The following SIMC1 variants were observed in gnomAD, a reference collection of about 807,000 sequenced individuals.
SIMC1 encodes the protein SUMO-interacting motif-containing protein 1.
SIMC1 carries 55 observed loss-of-function variants against 82.3 expected under a neutral mutation model. The ratio of observed to expected loss-of-function variants is 0.67; its 90% CI spans 0.54 to 0.84. The LOEUF (loss-of-function observed/expected upper bound fraction) is 0.84, where lower values mean the gene tolerates loss of function less well. Ranked by LOEUF, SIMC1 falls within the 40% of genes least tolerant of loss-of-function variation. SIMC1 has a pLI of 0.00. For synonymous variants in SIMC1, 353 were observed against 426.3 expected (o/e 0.83, Z 2.12); for missense variants, 915 against 1,107.2 (o/e 0.83, Z 2.46).
chr5:176,343,780 G>GT (rs1276477496), intron 9 of SIMC1, among the ~76,000 whole-genome samples: 7 of 150,060 alleles, frequency 4.7e-5, no homozygotes, highest in African/African-American at 1.8e-4. Flanking sequence ...TTCTTTTTTT[G>GT]TTTTTTTGTT....
intron 7 of SIMC1, among the ~76,000 whole-genome samples, chr5:176,332,988 AT>A (rs1200884083): frequency 4.6e-5 from 7 of 151,680 alleles, no homozygotes; most frequent in Non-Finnish European, 1.0e-4. Flanking sequence ...TCCATTTTTT[AT>A]ATTTGTGTCA....
At chr5:176,286,000 G>A (rs1763260310) in intron 1 of SIMC1, among the ~76,000 whole-genome samples, 1 of 152,188 alleles carries the variant, frequency 6.6e-6, no homozygotes, top group African/African-American at 2.4e-5. Flanking sequence ...ACAAACAAAT[G>A]GAAGAACATT....
At chr5:176,335,913 C>T (rs893139580) in intron 7 of SIMC1, among the ~76,000 whole-genome samples, 1 of 151,972 alleles carries the variant, frequency 6.6e-6, no homozygotes, top group African/African-American at 2.4e-5. Flanking sequence ...GACAGTGGCA[C>T]ACTCCTGTAG....
At chr5:176,242,587 G>GA (rs1382623914) in intron 1 of SIMC1, among the ~76,000 whole-genome samples, 14 of 151,466 alleles carry the variant, frequency 9.2e-5, no homozygotes, top group African/African-American at 3.4e-4. Context: ...TATATTTATT[G>GA]AAAAAAACTC....
At chr5:176,288,423 G>GAATAAATAAATAAATAAATAAATA (rs150243423) in intron 1 of SIMC1, among the ~76,000 whole-genome samples, 39 of 126,796 alleles carry the variant, frequency 3.1e-4, no homozygotes, top group East Asian at 4.6e-4. Flanking sequence ...ATGAATGAAT[G>GAATAAATAAATAAATAAATAAATA]AATAAATAAA....
intron 4 of SIMC1, among the ~76,000 whole-genome samples, chr5:176,303,598 G>A (rs1295687713): frequency 2.0e-5 from 3 of 152,218 alleles, no homozygotes; most frequent in Admixed American, 6.5e-5. Flanking sequence ...GGGATTACAG[G>A]CGTGAGCCAC....
At position 176,308,720 on chromosome 5, in the gene SIMC1, A is replaced by G. The variant is rs575515219; in HGVS notation, c.1735-4971A>G. ...GAATCGAAATCCCAATCCATATTGT[A>G]CCTCATGTCACTATCGGGAAAGCGT... On this transcript the variant is annotated intron_variant, in intron 4 of 9. Coordinates refer to ENST00000429602, the MANE Select transcript of SIMC1 (RefSeq NM_001308195.2). 12 of 1,451,756 alleles carry G rather than the reference A, an allele frequency of 8.3e-6. No individual in the cohort carries two copies. In the South Asian group the frequency reaches 1.4e-4, roughly 17 times the overall value. The allele number at this position is 1,451,756 out of a possible 1,614,324, so 89.9% of individuals were successfully genotyped here.
At chr5:176,304,860 C>G (rs1411915774) in intron 4 of SIMC1, among the ~76,000 whole-genome samples, 1 of 148,812 alleles carries the variant, frequency 6.7e-6, no homozygotes, top group African/African-American at 2.5e-5. Context: ...ATGTGAGGAG[C>G]GCCTCTGCCT....
chr5:176,302,265 A>G lies in SIMC1; in HGVS notation c.1734+5945A>G, dbSNP rs190477891. On this transcript the variant is annotated intron_variant, in intron 4 of 9. Coordinates refer to ENST00000429602, the MANE Select transcript of SIMC1 (RefSeq NM_001308195.2). ...GTGGGATTTATTCCTGGATGGTTTA[A>G]CATATGAAAGTAAATGTGATACACC... Among the ~76,000 whole-genome samples the G allele has an allele frequency of 3.7e-3, 558 of 152,336 alleles. 2 individuals carry two copies. The highest frequency in any genetic ancestry group is 4.0e-3 in the Non-Finnish European group (275 of 68,024).
At chr5:176,308,302 A>C in intron 4 of SIMC1, 1 of 1,463,250 alleles carries the variant, frequency 6.8e-7, no homozygotes, top group Non-Finnish European at 9.6e-7. Flanking sequence ...TCATCATCTT[A>C]ACGACGTTCT....
At chr5:176,256,349 C>A (rs1761851792) in intron 1 of SIMC1, among the ~76,000 whole-genome samples, 1 of 152,206 alleles carries the variant, frequency 6.6e-6, no homozygotes, top group Non-Finnish European at 1.5e-5. Context: ...AGTCTTTAGA[C>A]ATACTTATAA....
intron 9 of SIMC1, among the ~76,000 whole-genome samples, chr5:176,338,615 G>T (rs1173488879): frequency 6.6e-6 from 1 of 152,140 alleles, no homozygotes; most frequent in East Asian, 1.9e-4. Context: ...GTATTGAGGG[G>T]TAGAGGGGTA....
At chr5:176,276,638 C>T (rs1762716306) in intron 1 of SIMC1, among the ~76,000 whole-genome samples, 1 of 140,004 alleles carries the variant, frequency 7.1e-6, no homozygotes, top group Non-Finnish European at 1.5e-5. Context: ...TGATATTCCC[C>T]TTTCTGTGTC....
At chr5:176,287,395 T>C (rs183759114) in intron 1 of SIMC1, among the ~76,000 whole-genome samples, 74 of 152,176 alleles carry the variant, frequency 4.9e-4, no homozygotes, top group African/African-American at 1.6e-3. Context: ...AACCAAACAC[T>C]GCATGTTCTC....
chr5:176,271,234 C>T (rs193099951), intron 1 of SIMC1, among the ~76,000 whole-genome samples: 56 of 152,256 alleles, frequency 3.7e-4, no homozygotes, highest in African/African-American at 1.3e-3. Flanking sequence ...GTGGCAGGCA[C>T]CTGTAATCCC....
intron 1 of SIMC1, among the ~76,000 whole-genome samples, chr5:176,266,424 C>T (rs1708792149): frequency 6.6e-6 from 1 of 152,138 alleles, no homozygotes; most frequent in Admixed American, 6.5e-5. Flanking sequence ...CAGAGGACCC[C>T]CGCCCCTGCC....
chr5:176,246,450 T>G (rs747874835), intron 1 of SIMC1, among the ~76,000 whole-genome samples: 754 of 109,636 alleles, frequency 6.9e-3, no homozygotes, highest in Non-Finnish European at 8.9e-3. Flanking sequence ...GTGTGTGTGT[T>G]GTTTGTTTGT....
chr5:176,289,378 G>A (rs540961924), intron 1 of SIMC1, among the ~76,000 whole-genome samples: 76 of 151,722 alleles, frequency 5.0e-4, no homozygotes, highest in African/African-American at 1.8e-3. Context: ...CTTAAGGTTG[G>A]AATATCTCCT....
At chr5:176,298,238 A>T (rs1313761051) in intron 4 of SIMC1, among the ~76,000 whole-genome samples, 1 of 152,090 alleles carries the variant, frequency 6.6e-6, no homozygotes, top group East Asian at 1.9e-4. Context: ...ACCAGGAAAA[A>T]ACCTCCCATA....
Sources: allele counts gnomAD v4.1 joint callset (sites outside exome capture counted in the v4.1 genomes callset), GRCh38; gene constraint gnomAD v4.1.1; transcripts MANE v1.5; gene names NCBI Gene and HGNC (gene_info 2026-07-23, HGNC 2026-07-21).